Variants in CLDN14 observed in about 807,000 individuals in gnomAD.
CLDN14 encodes the protein claudin 14, also known as claudin-14.
In CLDN14, 2 loss-of-function variants were observed where a neutral mutation model predicts 2.1. The ratio of observed to expected loss-of-function variants is 0.96; its 90% CI spans 0.39 to 3.01. CLDN14 has a LOEUF of 3.01. Ranked by LOEUF, CLDN14 falls within the 30% of genes most tolerant of loss-of-function variation. The pLI is 0.09. For synonymous variants in CLDN14, 136 were observed against 154.4 expected (o/e 0.88, Z 0.88); for missense variants, 298 against 328.0 (o/e 0.91, Z 0.71).
intron 1 of CLDN14, among the ~76,000 whole-genome samples, chr21:36,523,763 GA>G (rs2087294104): frequency 5.0e-5 from 1 of 20,166 alleles, no homozygotes; most frequent in Non-Finnish European, 1.8e-4. Flanking sequence ...AAAAAAAAAA[GA>G]AAGAAAGAGA....
chr21:36,461,419 T>G lies in CLDN14; in HGVS notation c.277A>C (p.Ile93Leu), dbSNP rs780444223. 6.2e-7 allele frequency: 1 copy of G among 1,613,264 alleles called. No individual in the cohort carries two copies. Among genetic ancestry groups the G allele is most frequent in the Admixed American group, 1.7e-5 (1 of 60,018 alleles). ...CCGATGACGGCGCAGGCGCAGGCTATGCCCGAGAGCAGGCAGGAGATGACC... is the reference window on the plus strand; with the variant it reads ...CCGATGACGGCGCAGGCGCAGGCTAGGCCCGAGAGCAGGCAGGAGATGACC... ...LMVISCLLSG[I>L]ACACAVIGMK... The change falls in exon 2 of 2, where the codon ATA becomes CTA. Residue 93 changes from isoleucine to leucine, a missense_variant. Transcript: ENST00000399135.
intron 1 of CLDN14, among the ~76,000 whole-genome samples, chr21:36,529,917 A>G (rs1314023854): frequency 6.6e-6 from 1 of 152,060 alleles, no homozygotes; most frequent in East Asian, 1.9e-4. Context: ...CGGAGCTAGC[A>G]CTCCTGCCCC....
chr21:36,548,662 C>A (rs2087541363), intron 1 of CLDN14, among the ~76,000 whole-genome samples: 1 of 152,142 alleles, frequency 6.6e-6, no homozygotes, highest in Admixed American at 6.5e-5. Flanking sequence ...TCCTGCTTCT[C>A]CCCTCTCCCG....
intron 1 of CLDN14, among the ~76,000 whole-genome samples, chr21:36,512,073 A>G (rs939395954): frequency 7.9e-5 from 12 of 152,174 alleles, no homozygotes; most frequent in African/African-American, 2.9e-4. Context: ...CTCTGCCCTG[A>G]TGCTCCTATG....
chr21:36,465,352 G>A (rs2086632269), intron 1 of CLDN14, among the ~76,000 whole-genome samples: 1 of 152,220 alleles, frequency 6.6e-6, no homozygotes, highest in South Asian at 2.1e-4. Context: ...AATATTTATG[G>A]AGAGCAATGA....
chr21:36,562,644 A>G (rs1387755517), intron 1 of CLDN14, among the ~76,000 whole-genome samples: 1 of 151,612 alleles, frequency 6.6e-6, no homozygotes, highest in Non-Finnish European at 1.5e-5. Context: ...CTCTAAAGAA[A>G]TGCGTTCACC....
intron 1 of CLDN14, among the ~76,000 whole-genome samples, chr21:36,475,144 T>C (rs1391292177): frequency 6.6e-6 from 1 of 152,166 alleles, no homozygotes; most frequent in Non-Finnish European, 1.5e-5. Context: ...CCGGACAGCC[T>C]TTCCCAGCAC....
intron 1 of CLDN14, among the ~76,000 whole-genome samples, chr21:36,537,474 G>A (rs1163016229): frequency 6.6e-6 from 1 of 152,120 alleles, no homozygotes; most frequent in Non-Finnish European, 1.5e-5. Context: ...AATATGAACT[G>A]GATAGTAGAT....
chr21:36,559,787 A>G (rs2087621537), intron 1 of CLDN14, among the ~76,000 whole-genome samples: 1 of 152,344 alleles, frequency 6.6e-6, no homozygotes, highest in South Asian at 2.1e-4. Context: ...CACAATCTTT[A>G]ATCTGTTCTC....
At chr21:36,563,510 T>C (rs2087652113) in intron 1 of CLDN14, among the ~76,000 whole-genome samples, 1 of 152,198 alleles carries the variant, frequency 6.6e-6, no homozygotes, top group Non-Finnish European at 1.5e-5. Flanking sequence ...ACAATCTGTC[T>C]TACTCCATTA....
intron 1 of CLDN14, among the ~76,000 whole-genome samples, chr21:36,547,379 C>T (rs759822783): frequency 1.3e-5 from 2 of 151,978 alleles, no homozygotes; most frequent in Non-Finnish European, 2.9e-5. Context: ...ACATGGAGTA[C>T]GTGGATGTTT....
At chr21:36,533,475 A>T (rs545918348) in intron 1 of CLDN14, among the ~76,000 whole-genome samples, 2 of 152,240 alleles carry the variant, frequency 1.3e-5, no homozygotes, top group African/African-American at 2.4e-5. Flanking sequence ...TCGAGAGTTT[A>T]AAGTGGGGCG....
intron 1 of CLDN14, among the ~76,000 whole-genome samples, chr21:36,563,050 A>G (rs2087647650): frequency 6.6e-6 from 1 of 151,980 alleles, no homozygotes; most frequent in Admixed American, 6.6e-5. Flanking sequence ...CAGGGGAGTC[A>G]TATTTCATGA....
At chr21:36,516,759 A>G (rs1229944952) in intron 1 of CLDN14, among the ~76,000 whole-genome samples, 1 of 152,228 alleles carries the variant, frequency 6.6e-6, no homozygotes, top group Non-Finnish European at 1.5e-5. Context: ...GACACACAGT[A>G]CATTGGTGAG....
intron 1 of CLDN14, among the ~76,000 whole-genome samples, chr21:36,476,131 C>A (rs1208566960): frequency 6.6e-6 from 1 of 152,118 alleles, no homozygotes; most frequent in Non-Finnish European, 1.5e-5. Context: ...CTGGCCTGTC[C>A]CTGGAATATT....
chr21:36,566,728 C>T (rs901070328), intron 1 of CLDN14, among the ~76,000 whole-genome samples: 2 of 152,222 alleles, frequency 1.3e-5, no homozygotes, highest in Admixed American at 1.3e-4. Context: ...CAAGACAAAA[C>T]AGAGAACCAA....
At chr21:36,508,772 G>A (rs115895502) in intron 2 of CLDN14, among the ~76,000 whole-genome samples, 265 of 152,356 alleles carry the variant, frequency 1.7e-3, no homozygotes, top group African/African-American at 5.8e-3. Flanking sequence ...ACAAGTTGGA[G>A]AGACAATGGT....
intron 1 of CLDN14, among the ~76,000 whole-genome samples, chr21:36,574,581 G>A (rs1415581778): frequency 1.3e-5 from 2 of 152,128 alleles, no homozygotes; most frequent in Non-Finnish European, 2.9e-5. Context: ...AGGGCTCAAG[G>A]GAACTTTCTG....
chr21:36,549,267 T>TACACACAC (rs10640000), intron 1 of CLDN14, among the ~76,000 whole-genome samples: 10 of 149,326 alleles, frequency 6.7e-5, no homozygotes, highest in Non-Finnish European at 1.2e-4. Flanking sequence ...ATGTGTGCAT[T>TACACACAC]ACACACACAC....
Sources: gnomAD v4.1 joint callset for allele counts (sites outside exome capture counted in the v4.1 genomes callset) on GRCh38, gnomAD v4.1.1 for gene constraint, MANE v1.5 for transcripts, NCBI Gene and HGNC (gene_info 2026-07-23, HGNC 2026-07-21) for gene names.